Variants in CHL1 observed in about 807,000 individuals in gnomAD.
The protein encoded by CHL1 is cell adhesion molecule L1 like.
In CHL1, 96 loss-of-function variants were observed where a neutral mutation model predicts 141.9. The observed-to-expected ratio is 0.68, with a 90% CI of 0.57 to 0.80. The LOEUF is 0.80. Among genes scored for constraint, CHL1 ranks in the 30% least tolerant of loss-of-function variants. The pLI is 0.00. For synonymous variants in CHL1, 613 were observed against 502.2 expected (o/e 1.22, Z -2.95); for missense variants, 1,820 against 1,457.2 (o/e 1.25, Z -4.05).
intron 1 of CHL1, among the ~76,000 whole-genome samples, chr3:210,287 C>G (rs1389754289): frequency 1.3e-5 from 2 of 152,242 alleles, no homozygotes; most frequent in Non-Finnish European, 2.9e-5. Flanking sequence ...TAACTTCAAA[C>G]AACAGACATT....
intron 16 of CHL1, among the ~76,000 whole-genome samples, chr3:381,049 T>A (rs1706968688): frequency 1.3e-5 from 2 of 152,142 alleles, no homozygotes; most frequent in Non-Finnish European, 2.9e-5. Flanking sequence ...AGGAACTTGT[T>A]TGCAAATGCA....
intron 2 of CHL1, among the ~76,000 whole-genome samples, chr3:265,930 C>A (rs73092579): frequency 6.6e-6 from 1 of 152,172 alleles, no homozygotes; most frequent in Non-Finnish European, 1.5e-5. Context: ...AATAAACAAA[C>A]CATCCCATGC....
At chr3:282,894 G>A (rs938245451) in intron 2 of CHL1, 17 of 152,070 alleles carry the variant, frequency 1.1e-4, no homozygotes, top group African/African-American at 3.6e-4. Context: ...TCTGTTTTCT[G>A]GACTATACTG....
chr3:355,079 T>G (rs1703596189), intron 11 of CHL1, among the ~76,000 whole-genome samples: 1 of 152,204 alleles, frequency 6.6e-6, no homozygotes, highest in Non-Finnish European at 1.5e-5. Flanking sequence ...AGCCAATTAT[T>G]GTTCCTGTCC....
intron 1 of CHL1, among the ~76,000 whole-genome samples, chr3:210,611 C>T (rs1483632849): frequency 1.3e-5 from 2 of 152,258 alleles, no homozygotes; most frequent in African/African-American, 4.8e-5. Context: ...GGCTAGTCCT[C>T]AGACCGTTCA....
intron 2 of CHL1, among the ~76,000 whole-genome samples, chr3:279,211 T>C: frequency 6.6e-6 from 1 of 152,204 alleles, no homozygotes; most frequent in East Asian, 1.9e-4. Context: ...CTCAGAGAAA[T>C]AGTAAAAGTT....
intron 2 of CHL1, among the ~76,000 whole-genome samples, chr3:319,019 C>T (rs947849888): frequency 2.0e-5 from 3 of 151,820 alleles, no homozygotes; most frequent in South Asian, 4.2e-4. Flanking sequence ...AACATGGATG[C>T]ACCTGGAGGT....
rs149371418 is a variant in CHL1 at position 370,907 on chromosome 3, G to C, written c.1751+4792G>C. On this transcript the variant is annotated intron_variant, in intron 15 of 27. Coordinates refer to ENST00000256509, the MANE Select transcript of CHL1 (RefSeq NM_006614.4). ...AGTTTATCAATTTCCATGTAGTTGT[G>C]TGGTTTTGCGTGAGTTTCTTAATCC... 3.4e-3 allele frequency among the ~76,000 whole-genome samples: 511 copies of C among 152,298 alleles called. 9 individuals are homozygous for C. The highest frequency in any genetic ancestry group is 0.023 in the Admixed American group (345 of 15,292).
intron 1 of CHL1, among the ~76,000 whole-genome samples, chr3:215,036 C>G (rs1700200615): frequency 1.3e-5 from 2 of 152,020 alleles, no homozygotes; most frequent in South Asian, 4.1e-4. Flanking sequence ...AATCCATTCT[C>G]TTAGGCTATA....
chr3:372,983 T>C (rs765588063), intron 15 of CHL1, among the ~76,000 whole-genome samples: 1 of 152,214 alleles, frequency 6.6e-6, no homozygotes, highest in African/African-American at 2.4e-5. Context: ...CTGCTCCTTC[T>C]TGTGGGATCT....
At chr3:287,745 T>C (rs1043973287) in intron 2 of CHL1, among the ~76,000 whole-genome samples, 7 of 151,782 alleles carry the variant, frequency 4.6e-5, no homozygotes, top group African/African-American at 1.7e-4. Context: ...AGCAGATAGA[T>C]ACATTGCTCC....
At chr3:322,078 A>G (rs1700607113) in intron 3 of CHL1, among the ~76,000 whole-genome samples, 1 of 151,984 alleles carries the variant, frequency 6.6e-6, no homozygotes, top group South Asian at 2.1e-4. Context: ...ATCATCCCTC[A>G]CCGTTTATAA....
intron 1 of CHL1, among the ~76,000 whole-genome samples, chr3:224,077 G>A (rs1701108316): frequency 6.6e-6 from 1 of 152,172 alleles, no homozygotes; most frequent in Non-Finnish European, 1.5e-5. Context: ...ACAATGGCTG[G>A]TTATTGTTTA....
intron 2 of CHL1, among the ~76,000 whole-genome samples, chr3:280,160 TA>T: frequency 6.6e-6 from 1 of 151,974 alleles, no homozygotes; most frequent in African/African-American, 2.4e-5. Context: ...GGGATAAAAA[TA>T]AAATTTAAAA....
chr3:401,908 G>C (rs1221269925), intron 27 of CHL1, among the ~76,000 whole-genome samples: 3 of 152,194 alleles, frequency 2.0e-5, no homozygotes, highest in Non-Finnish European at 4.4e-5. Context: ...TTACCGTCTA[G>C]GCAGAAATGT....
At chr3:320,407 A>C (rs556938956) in intron 3 of CHL1, among the ~76,000 whole-genome samples, 1 of 152,202 alleles carries the variant, frequency 6.6e-6, no homozygotes, top group African/African-American at 2.4e-5. Context: ...TTAAGAGGTT[A>C]AACAGTAGTC....
rs73814706 is a variant in CHL1, at chr3:351,571, T to G, written c.1033+2028T>G. ...CCTCTCCTTTTCCTTTTTTGTCTCT[T>G]TTTTAGAAGCCCACATTAAATAATA... On this transcript the variant is annotated intron_variant, in intron 10 of 27. Coordinates refer to ENST00000256509, the MANE Select transcript of CHL1 (RefSeq NM_006614.4). 1.7e-3 allele frequency among the ~76,000 whole-genome samples: 256 copies of G among 152,288 alleles called. 3 individuals are homozygous for G. Among genetic ancestry groups the G allele is most frequent in the African/African-American group, 5.9e-3 (247 of 41,558 alleles).
chr3:304,173 T>C (rs9814148), intron 2 of CHL1, among the ~76,000 whole-genome samples: 3,334 of 152,314 alleles, frequency 0.022, 122 homozygotes, highest in African/African-American at 0.076. Flanking sequence ...CACATCAATG[T>C]TCATCAGGGA....
intron 1 of CHL1, among the ~76,000 whole-genome samples, chr3:239,165 AG>A (rs1692295746): frequency 1.3e-5 from 2 of 152,146 alleles, no homozygotes; most frequent in Non-Finnish European, 2.9e-5. Context: ...ATCATCAATC[AG>A]AACAGTGATG....
Sources: allele counts gnomAD v4.1 joint callset (sites outside exome capture counted in the v4.1 genomes callset), GRCh38; gene constraint gnomAD v4.1.1; transcripts MANE v1.5; gene names NCBI Gene and HGNC (gene_info 2026-07-23, HGNC 2026-07-21).